ABCC9: variants seen among roughly 807,000 people sequenced by gnomAD.
The protein encoded by ABCC9 is ATP-binding cassette sub-family C member 9.
Under a neutral mutation model 188.3 loss-of-function variants are expected in ABCC9, and 95 were observed. The ratio of observed to expected loss-of-function variants is 0.50; its 90% CI spans 0.43 to 0.60. The LOEUF (loss-of-function observed/expected upper bound fraction) is 0.60. Ranked by LOEUF, ABCC9 falls within the 20% of genes least tolerant of loss-of-function variation. The probability of loss-of-function intolerance (pLI) is 0.00; values close to 1 mark genes in which losing one functional copy is unlikely to be tolerated. For missense variants in ABCC9, 1,102 were observed against 1,876.3 expected, an observed-to-expected ratio of 0.59 and a Z score of 7.62; for synonymous variants, 659 against 652.7, an observed-to-expected ratio of 1.01 and a Z score of -0.15.
At chr12:21,899,249 C>T (rs551965767) in intron 12 of ABCC9, among the ~76,000 whole-genome samples, 37 of 152,224 alleles carry the variant, frequency 2.4e-4, no homozygotes, top group African/African-American at 8.2e-4. Context: ...AGGAAAAAAC[C>T]GAATTCATCA....
At chr12:21,849,644 A>G (rs1466730629) in intron 24 of ABCC9, among the ~76,000 whole-genome samples, 1 of 152,132 alleles carries the variant, frequency 6.6e-6, no homozygotes, top group South Asian at 2.1e-4. Context: ...CTTTAAAGCA[A>G]TTTTTCCTAA....
At chr12:21,828,072 C>T (rs1440742629) in intron 31 of ABCC9, among the ~76,000 whole-genome samples, 1 of 152,176 alleles carries the variant, frequency 6.6e-6, no homozygotes, top group Non-Finnish European at 1.5e-5. Context: ...AAATAAGATT[C>T]TCTCAATAGT....
chr12:21,817,503 A>G (rs1169077322), intron 32 of ABCC9, among the ~76,000 whole-genome samples, 196 bp from the exon 33 acceptor site: 2 of 152,140 alleles, frequency 1.3e-5, no homozygotes, highest in Admixed American at 6.6e-5. Context: ...GGTTCCTTCA[A>G]GGGTCCATAA....
At position 21,810,048 on chromosome 12, in the gene ABCC9, G is replaced by A. The variant is rs945327807; in HGVS notation, c.4212-93C>T. 5 of 831,328 alleles carry A rather than the reference G, an allele frequency of 6.0e-6. No homozygotes were observed. The African/African-American group carries it at 6.8e-5, about 11-fold the overall frequency. The allele number at this position is 831,328 out of a possible 1,614,324, so 51.5% of individuals were successfully genotyped here. On this transcript the variant is annotated intron_variant, in intron 36 of 39. Transcript: ENST00000261200. ...TTGCTTTTCTTTCCTTACAATGTAA[G>A]TTCCATTTGTTTTGGTTACTGCTGT... is the stretch of plus-strand genomic sequence containing the variant.
chr12:21,920,380 A>G (rs1948763213), intron 5 of ABCC9, among the ~76,000 whole-genome samples: 1 of 152,108 alleles, frequency 6.6e-6, no homozygotes, highest in African/African-American at 2.4e-5. Context: ...GTAATAAGTG[A>G]ATTTCTAAGG....
At position 21,895,335 on chromosome 12, in the gene ABCC9, G is replaced by T. The variant is rs1357942810; in HGVS notation, c.1619-20C>A. 1.9e-5 allele frequency: 31 copies of T among 1,607,562 alleles called. No homozygotes were observed. The highest frequency in any genetic ancestry group is 2.6e-5 in the Non-Finnish European group (30 of 1,174,176). ...TGAAGACTGTGGAAAGAAATAAAAT[G>T]CATTAGTTTCATTGAACTGTGAAAA... On this transcript the variant is annotated intron_variant, in intron 12 of 39. Coordinates refer to ENST00000261200, the MANE Select transcript of ABCC9 (RefSeq NM_020297.4).
intron 30 of ABCC9, among the ~76,000 whole-genome samples, chr12:21,837,568 G>C (rs1371452718): frequency 1.3e-5 from 2 of 152,188 alleles, no homozygotes; most frequent in East Asian, 3.9e-4. Context: ...AAAAGTTTAG[G>C]TTATTACTCT....
In ABCC9 at chr12:21,915,696, C is replaced by G; in HGVS notation, c.788G>C (p.Cys263Ser). ...IAMRAVTNYV[C>S]LKDAYEEQKK... ...TTGTTCTTCATATGCATCTTTCAGG[C>G]AAACATAATTTGTTACTGCTCTCAT... Residue 263 changes from cysteine to serine, a missense_variant, in exon 7 of 40, where the codon TGC (cysteine) becomes TCC (serine). Cys to Ser is a moderately radical substitution (Grantham distance 112, BLOSUM62 -1). Coordinates refer to ENST00000261200, the MANE Select transcript of ABCC9 (RefSeq NM_020297.4). 1 of 1,611,668 alleles carries G rather than the reference C, an allele frequency of 6.2e-7. No individual in the cohort carries two copies. The highest frequency in any genetic ancestry group is 8.5e-7 in the Non-Finnish European group (1 of 1,179,316).
chr12:21,862,911 G>A (rs756539248), intron 20 of ABCC9, 42 bp downstream of exon 20: 1 of 1,255,992 alleles, frequency 8.0e-7, no homozygotes, highest in Non-Finnish European at 1.2e-6. Flanking sequence ...GAGTCAGAAA[G>A]AGTTGCCATT....
intron 15 of ABCC9, among the ~76,000 whole-genome samples, chr12:21,887,558 AT>A (rs1246440960): frequency 6.6e-6 from 1 of 152,158 alleles, no homozygotes; most frequent in Non-Finnish European, 1.5e-5. Context: ...TTTTATATAC[AT>A]TTGGAGTAAG....
intron 29 of ABCC9, among the ~76,000 whole-genome samples, chr12:21,841,134 A>G (rs185048353): frequency 3.0e-4 from 45 of 152,328 alleles, no homozygotes; most frequent in African/African-American, 1.1e-3. Flanking sequence ...TTGTGACACA[A>G]TGAGTGCTTA....
At chr12:21,874,006 A>G (rs1262989234) in intron 17 of ABCC9, among the ~76,000 whole-genome samples, 1 of 152,130 alleles carries the variant, frequency 6.6e-6, no homozygotes, top group East Asian at 1.9e-4. Flanking sequence ...ATAGATAAGT[A>G]GAACCACATC....
intron 8 of ABCC9, among the ~76,000 whole-genome samples, chr12:21,911,879 T>C (rs1948341221): frequency 6.6e-6 from 1 of 152,052 alleles, no homozygotes; most frequent in African/African-American, 2.4e-5. Context: ...TATTCAGTGG[T>C]GAAAATATCT....
At chr12:21,873,320 A>G (rs948573912) in intron 17 of ABCC9, among the ~76,000 whole-genome samples, 1 of 152,134 alleles carries the variant, frequency 6.6e-6, no homozygotes, top group South Asian at 2.1e-4. Context: ...TCTTAATTTG[A>G]GATAGTTTGT....
At position 21,941,143 on chromosome 12, in the gene ABCC9, C is replaced by G. The variant is rs1050069205; in HGVS notation, c.-137+57G>C. The stretch of plus-strand genomic sequence containing the variant: ...ATGTTAGCTCAAAATCGACAACTTA[C>G]AGTTATTCCTAAAAATGTTTAAATG... On this transcript the variant is annotated intron_variant, in intron 1 of 39. Coordinates refer to ENST00000261200, the MANE Select transcript of ABCC9 (RefSeq NM_020297.4). This position sits in a 1 kb window ranked among gnomAD's most constrained non-coding sequence, Gnocchi z 5.4. 6.6e-6 allele frequency: 1 copy of G among 152,246 alleles called. No homozygotes were observed. Among genetic ancestry groups the G allele is most frequent in the African/African-American group, 2.4e-5 (1 of 41,466 alleles). The allele number at this position is 152,246 out of a possible 1,614,324, so 9.4% of individuals were successfully genotyped here. A position where few individuals can be genotyped will look rare whatever the true frequency, so the allele number is the denominator to read the frequency against.
chr12:21,872,675 AAGG>A lies in ABCC9; in HGVS notation c.2145_2147del (p.Leu716del). ...ATGTCTGCATCTCACCGAGGATGGCAAGGAGAAGAGAGGACTTCCCACATCCTA... is the reference window on the plus strand; with the variant it reads ...ATGTCTGCATCTCACCGAGGATGGCAAGAAGAGAGGACTTCCCACATCCTA... On this transcript the variant is annotated inframe_deletion, in exon 18 of 40. Transcript: ENST00000261200. 1 of 1,613,926 alleles carries A rather than the reference AAGG, an allele frequency of 6.2e-7. No individual in the cohort carries two copies. Among genetic ancestry groups the A allele is most frequent in the Non-Finnish European group, 8.5e-7 (1 of 1,179,824 alleles).
chr12:21,812,436 C>T (rs1942306019), intron 35 of ABCC9, among the ~76,000 whole-genome samples: 1 of 152,146 alleles, frequency 6.6e-6, no homozygotes, highest in Non-Finnish European at 1.5e-5. Context: ...ATAGCAAAGA[C>T]TTGGAACCAA....
At chr12:21,894,361 T>G (rs1947303751) in intron 13 of ABCC9, among the ~76,000 whole-genome samples, 187 bp from the exon 14 acceptor site, 1 of 152,204 alleles carries the variant, frequency 6.6e-6, no homozygotes, top group Non-Finnish European at 1.5e-5. Flanking sequence ...AAGGCTTACC[T>G]GCAATTATAG....
chr12:21,933,458 A>G (rs1592269125), intron 4 of ABCC9, among the ~76,000 whole-genome samples: 1 of 152,206 alleles, frequency 6.6e-6, no homozygotes, highest in South Asian at 2.1e-4. Context: ...CTCTATCCTC[A>G]CTGATTCTCA....
Sources: gnomAD v4.1 joint callset for allele counts (sites outside exome capture counted in the v4.1 genomes callset) on GRCh38, gnomAD v4.1.1 for gene constraint, Gnocchi (gnomAD v3.1) non-coding constraint, MANE v1.5 for transcripts, NCBI Gene and HGNC (gene_info 2026-07-23, HGNC 2026-07-21) for gene names.